The following FNDC3A variants were observed in gnomAD, a reference collection of about 807,000 sequenced individuals.
FNDC3A encodes fibronectin type III domain containing 3A.
A neutral mutation model predicts 148.9 loss-of-function variants in FNDC3A; 32 were observed. That is an observed-to-expected ratio of 0.21 (90% CI 0.16 to 0.29). The LOEUF (loss-of-function observed/expected upper bound fraction) is 0.29. Among genes scored for constraint, FNDC3A ranks in the 10% least tolerant of loss-of-function variants. The pLI is 1.00. For missense variants in FNDC3A, 1,191 were observed against 1,452.8 expected, an observed-to-expected ratio of 0.82 and a Z score of 2.93; for synonymous variants, 472 against 473.6, an observed-to-expected ratio of 1.00 and a Z score of 0.04.
chr13:49,048,196 A>G (rs188555835), intron 2 of FNDC3A, among the ~76,000 whole-genome samples: 1 of 151,848 alleles, frequency 6.6e-6, no homozygotes, highest in Admixed American at 6.6e-5. Flanking sequence ...TGACTTTATA[A>G]TATAGTTTGA....
chr13:49,168,619 G>A lies in FNDC3A; in HGVS notation c.1044G>A (p.Gln348=). ...KPAMDYHAKV[Q]AEYNSIKGTP... ...ATTTATTTTATCACCATAGAGTCCA[G>A]GCAGAATATAATTCTATAAAGGGAA... The change falls in exon 10 of 26, where the codon CAG becomes CAA. Residue 348 remains glutamine (Q), a synonymous_variant. Transcript: ENST00000492622. 6.2e-7 allele frequency: 1 copy of A among 1,609,274 alleles called. No individual in the cohort carries two copies. Among genetic ancestry groups the A allele is most frequent in the South Asian group, 1.1e-5 (1 of 90,960 alleles).
chr13:49,073,727 T>C (rs1877874544), intron 2 of FNDC3A, among the ~76,000 whole-genome samples: 1 of 146,842 alleles, frequency 6.8e-6, no homozygotes, highest in African/African-American at 2.5e-5. Flanking sequence ...ATATATAATA[T>C]ATATGTATAT....
chr13:49,103,265 A>G (rs987771270), intron 3 of FNDC3A, among the ~76,000 whole-genome samples: 2 of 152,238 alleles, frequency 1.3e-5, no homozygotes, highest in African/African-American at 4.8e-5. Context: ...TGTTTAAGCT[A>G]TAACAAATTA....
chr13:49,115,362 G>A (rs1880881458), intron 4 of FNDC3A, among the ~76,000 whole-genome samples: 1 of 152,154 alleles, frequency 6.6e-6, no homozygotes, highest in South Asian at 2.1e-4. Context: ...CGTATGGTCT[G>A]CACGCTTTGC....
At chr13:49,069,477 C>A (rs114421024) in intron 2 of FNDC3A, among the ~76,000 whole-genome samples, 6 of 152,274 alleles carry the variant, frequency 3.9e-5, no homozygotes, top group African/African-American at 1.4e-4. Flanking sequence ...GTTCGTTGAA[C>A]ACAGTAAACT....
At position 49,006,236 on chromosome 13, in the gene FNDC3A, A is replaced by G. The variant is rs776807608; in HGVS notation, c.46A>G (p.Ser16Gly). ...PLLDTTQILS[S>G]DISLLSAPIV... is the part of the protein sequence containing the mutation. ...ACTGGATACAACTCAGATCTTAAGTAGTGATATTTCTCTTTTGTCTGCCCC... is the reference window on the plus strand; with the variant it reads ...ACTGGATACAACTCAGATCTTAAGTGGTGATATTTCTCTTTTGTCTGCCCC... Residue 16 changes from serine to glycine, a missense_variant, in exon 2 of 26, where the codon AGT becomes GGT. This residue lies in a region of FNDC3A where 426 missense variants were observed against 473.2 expected (regional missense o/e 0.90). Transcript: ENST00000492622. 1.8e-5 allele frequency: 29 copies of G among 1,609,984 alleles called. No individual in the cohort carries two copies. In the East Asian group the frequency reaches 6.5e-4, roughly 36 times the overall value.
Position 49,167,245 on chromosome 13 carries a change from G to A in FNDC3A, c.979G>A (p.Gly327Arg). Residue 327 changes from glycine (G) to arginine (R), a missense_variant and splice_region_variant, in exon 9 of 26, where the codon GGA (glycine) becomes AGA (arginine). Transcript: ENST00000492622. ...KDGKYKSVYV[G>R]EETNITLNDL... ...GATATATTACCCTTTTTTCCCCAGA[G>A]GAGAAGAAACAAATATCACTTTAAA... The A allele has an allele frequency of 6.3e-7, 1 of 1,594,420 alleles. No individual in the cohort carries two copies. Among genetic ancestry groups the A allele is most frequent in the Non-Finnish European group, 8.6e-7 (1 of 1,168,130 alleles).
At chr13:49,071,674 T>C (rs533044140) in intron 2 of FNDC3A, among the ~76,000 whole-genome samples, 14 of 152,212 alleles carry the variant, frequency 9.2e-5, no homozygotes, top group Non-Finnish European at 1.5e-4. Context: ...GTATGTCTTC[T>C]TTTGAGAAAT....
intron 2 of FNDC3A, among the ~76,000 whole-genome samples, chr13:49,026,838 G>A (rs943697118): frequency 6.6e-6 from 1 of 152,140 alleles, no homozygotes; most frequent in Non-Finnish European, 1.5e-5. Flanking sequence ...TTCTAAAGTA[G>A]ATCAATGAAA....
chr13:49,122,521 T>G (rs1054855222), intron 4 of FNDC3A, among the ~76,000 whole-genome samples: 4 of 151,978 alleles, frequency 2.6e-5, no homozygotes, highest in East Asian at 1.9e-4. Flanking sequence ...GAGAAAGAAA[T>G]AAAGAGTTTT....
intron 2 of FNDC3A, among the ~76,000 whole-genome samples, chr13:49,025,347 A>C (rs1873625435): frequency 6.6e-6 from 1 of 152,044 alleles, no homozygotes; most frequent in Non-Finnish European, 1.5e-5. Context: ...TGTATATTCT[A>C]ATATTTTCTT....
In FNDC3A at chr13:49,069,395, C is replaced by T. The variant is rs180729589; in HGVS notation, c.100-5894C>T. Among the ~76,000 whole-genome samples, 6 of 152,296 alleles carry T rather than the reference C, an allele frequency of 3.9e-5. No homozygotes were observed. In the East Asian group the frequency reaches 5.8e-4, roughly 15 times the overall value. On this transcript the variant is annotated intron_variant, in intron 2 of 25. Transcript: ENST00000492622. Reference sequence around the variant, plus strand: ...TAACCTGGTTCCTATCCACTGCTTACTATATTTCTCACCCTTCCCGTGTTC... The same window carrying T: ...TAACCTGGTTCCTATCCACTGCTTATTATATTTCTCACCCTTCCCGTGTTC...
chr13:49,101,179 T>C (rs1226655788), intron 3 of FNDC3A, among the ~76,000 whole-genome samples: 1 of 152,148 alleles, frequency 6.6e-6, no homozygotes, highest in Admixed American at 6.5e-5. Flanking sequence ...TTTAGACTAT[T>C]TGCTTATTTC....
chr13:49,140,798 G>A (rs145717353), intron 7 of FNDC3A, among the ~76,000 whole-genome samples: 10 of 152,308 alleles, frequency 6.6e-5, no homozygotes, highest in African/African-American at 2.2e-4. Context: ...AAATTGTAAC[G>A]GTGAAGTGCC....
intron 3 of FNDC3A, among the ~76,000 whole-genome samples, chr13:49,103,283 A>G (rs1879973173): frequency 6.6e-6 from 1 of 152,230 alleles, no homozygotes; most frequent in African/African-American, 2.4e-5. Flanking sequence ...TTATAATAAA[A>G]TGAATGATAA....
chr13:49,044,898 A>G, intron 2 of FNDC3A: 1 of 281,198 alleles, frequency 3.6e-6, no homozygotes, highest in Non-Finnish European at 7.2e-6. Flanking sequence ...AACCCTCAAG[A>G]TTTGTTGAAA....
intron 25 of FNDC3A, among the ~76,000 whole-genome samples, chr13:49,205,117 T>C (rs1049234266): frequency 1.3e-5 from 2 of 152,238 alleles, no homozygotes; most frequent in African/African-American, 4.8e-5. Flanking sequence ...AAACACTGTT[T>C]TAATGTCACA....
chr13:49,163,906 T>C (rs968907573), intron 8 of FNDC3A, among the ~76,000 whole-genome samples: 1 of 152,182 alleles, frequency 6.6e-6, no homozygotes, highest in African/African-American at 2.4e-5. Context: ...ATGATTGTGG[T>C]TTGGTGGTTT....
Position 49,207,285 on chromosome 13 carries a change from A to G in FNDC3A, c.3487A>G (p.Arg1163Gly), listed in dbSNP as rs138938787. The part of the protein sequence containing the change: ...STNRDTVEST[R>G]TRRALSDEQC... Reference sequence around the variant, plus strand: ...CAACAGAGACACTGTGGAAAGCACAAGGACCCGACGGGCACTGAGTGACGA... The same window carrying G: ...CAACAGAGACACTGTGGAAAGCACAGGGACCCGACGGGCACTGAGTGACGA... The change falls in exon 26 of 26, where the codon AGG becomes GGG. Residue 1163 changes from arginine to glycine, a missense_variant. Transcript: ENST00000492622. 8 of 1,614,088 alleles carry G rather than the reference A, an allele frequency of 5.0e-6. No homozygotes were observed. In the African/African-American group the frequency reaches 8.0e-5, roughly 16 times the overall value.
Sources: gnomAD v4.1 joint callset for allele counts (sites outside exome capture counted in the v4.1 genomes callset) on GRCh38, gnomAD v4.1.1 for gene constraint, gnomAD v4.1.1 regional missense constraint, MANE v1.5 for transcripts, NCBI Gene and HGNC (gene_info 2026-07-23, HGNC 2026-07-21) for gene names.